MACROD2: variants seen among roughly 807,000 people sequenced by gnomAD.
The protein encoded by MACROD2 is mono-ADP ribosylhydrolase 2.
A neutral mutation model predicts 70.4 loss-of-function variants in MACROD2; 36 were observed. The observed-to-expected ratio is 0.51, with a 90% CI of 0.39 to 0.68. The LOEUF is 0.68. Among genes scored for constraint, MACROD2 ranks in the 30% least tolerant of loss-of-function variants. MACROD2 has a pLI of 0.00. For missense variants in MACROD2, 496 were observed against 538.4 expected, an observed-to-expected ratio of 0.92 and a Z score of 0.78; for synonymous variants, 172 against 178.8, an observed-to-expected ratio of 0.96 and a Z score of 0.30.
At position 14,225,625 on chromosome 20, in the gene MACROD2, G is replaced by A. The variant is rs553828555; in HGVS notation, c.271+139897G>A. Among the ~76,000 whole-genome samples the A allele has an allele frequency of 1.2e-4, 18 of 152,160 alleles. No homozygotes were observed. The South Asian group carries it at 3.5e-3, about 30-fold the overall frequency. ...AATACAACCTTATGCCAATCAAGTC[G>A]CAAGTGTAGTTTGCTAAGGTAGAAA... On this transcript the variant is annotated intron_variant, in intron 3 of 17. Coordinates refer to ENST00000684519, the MANE Select transcript of MACROD2 (RefSeq NM_001351661.2).
intron 5 of MACROD2, among the ~76,000 whole-genome samples, chr20:14,789,326 C>T (rs1231889903): frequency 6.6e-6 from 1 of 151,760 alleles, no homozygotes; most frequent in Non-Finnish European, 1.5e-5. Context: ...TGTGTACTCT[C>T]AGGGATAAAA....
intron 3 of MACROD2, among the ~76,000 whole-genome samples, chr20:14,092,958 T>G (rs1444041360): frequency 6.6e-6 from 1 of 152,244 alleles, no homozygotes; most frequent in African/African-American, 2.4e-5. Context: ...GCACTGGTGC[T>G]CAAGCTAGAG....
At chr20:15,490,227 T>TC (rs1276372493) in intron 7 of MACROD2, among the ~76,000 whole-genome samples, 1 of 99,018 alleles carries the variant, frequency 1.0e-5, no homozygotes, top group African/African-American at 3.6e-5. Flanking sequence ...CTTCCTCCCT[T>TC]CCTTCCTCCC....
At chr20:15,579,616 G>C (rs539427268) in intron 8 of MACROD2, among the ~76,000 whole-genome samples, 1 of 152,184 alleles carries the variant, frequency 6.6e-6, no homozygotes, top group Non-Finnish European at 1.5e-5. Context: ...ACTGTTGTTA[G>C]TCCTTTTGTC....
chr20:14,284,327 C>T (rs1402612414), intron 3 of MACROD2, among the ~76,000 whole-genome samples: 1 of 152,156 alleles, frequency 6.6e-6, no homozygotes, highest in African/African-American at 2.4e-5. Flanking sequence ...AAACTTAAAA[C>T]TCAGGGTTCA....
intron 8 of MACROD2, among the ~76,000 whole-genome samples, chr20:15,785,666 G>A (rs959492747): frequency 1.3e-5 from 2 of 152,124 alleles, no homozygotes; most frequent in Non-Finnish European, 2.9e-5. Context: ...AGCCCTAACT[G>A]AAAGGCTTTT....
chr20:15,351,640 C>T (rs1044886470), intron 6 of MACROD2, among the ~76,000 whole-genome samples: 5 of 152,122 alleles, frequency 3.3e-5, no homozygotes, highest in South Asian at 2.1e-4. Flanking sequence ...CAGTGAGCTC[C>T]GTGAGTCCTA....
At chr20:14,989,854 G>A (rs1369854018) in intron 5 of MACROD2, among the ~76,000 whole-genome samples, 5 of 151,962 alleles carry the variant, frequency 3.3e-5, no homozygotes, top group East Asian at 1.9e-4. Flanking sequence ...TATTTCAACC[G>A]TTTCTTTTTG....
chr20:15,545,305 C>A (rs1396362594), intron 8 of MACROD2, among the ~76,000 whole-genome samples: 1 of 152,194 alleles, frequency 6.6e-6, no homozygotes, highest in Non-Finnish European at 1.5e-5. Context: ...GTATTGGCTG[C>A]AGGCAAAATA....
intron 4 of MACROD2, among the ~76,000 whole-genome samples, chr20:14,532,209 A>G (rs570556727): frequency 4.7e-5 from 7 of 150,120 alleles, no homozygotes; most frequent in African/African-American, 1.7e-4. Context: ...ACAATCCTGT[A>G]TAACTAATCT....
In MACROD2 at chr20:13,995,863, C is replaced by CGGGGGGGGTTGGGGGGGGGGGG; in HGVS notation, c.46+59_46+60insGGGTTGGGGGGGGGGGGGGGGG. 4.8e-6 allele frequency: 2 copies of CGGGGGGGGTTGGGGGGGGGGGG among 412,862 alleles called. No individual in the cohort carries two copies. The highest frequency in any genetic ancestry group is 6.6e-5 in the Admixed American group (2 of 30,222). The allele number at this position is 412,862 out of a possible 1,614,324, so 25.6% of individuals were successfully genotyped here. On this transcript the variant is annotated intron_variant, in intron 1 of 17. Transcript: ENST00000684519. This position sits in a 1 kb window ranked among gnomAD's most constrained non-coding sequence, Gnocchi z 4.3. ...CGGGCGGTGGGGGTTAGGGTGGGGG[C>CGGGGGGGGTTGGGGGGGGGGGG]GGGGGTCAGGCTGTGTGTGCCGCGG...
chr20:14,890,941 T>C (rs923958368), intron 5 of MACROD2, among the ~76,000 whole-genome samples: 3 of 151,164 alleles, frequency 2.0e-5, no homozygotes, highest in Admixed American at 6.6e-5. Context: ...ATAGGGATCT[T>C]CTTTCTCTTT....
rs79687293 is a variant in MACROD2 at position 15,471,225 on chromosome 20, C to G, written c.572-28549C>G. ...CCATCACACATGCTCTCCTTCCACA[C>G]TTGAACTTCTGTTGCTTCTCAGCTG... On this transcript the variant is annotated intron_variant, in intron 7 of 17. Coordinates refer to ENST00000684519, the MANE Select transcript of MACROD2 (RefSeq NM_001351661.2). Among the ~76,000 whole-genome samples, 849 of 152,318 alleles carry G rather than the reference C, an allele frequency of 5.6e-3. 7 individuals are homozygous for G. Among genetic ancestry groups the G allele is most frequent in the African/African-American group, 0.019 (796 of 41,548 alleles).
intron 8 of MACROD2, among the ~76,000 whole-genome samples, chr20:15,714,001 A>G (rs576891748): frequency 0.017 from 2,589 of 150,368 alleles, 81 homozygotes; most frequent in African/African-American, 0.061. Context: ...ACACACACAC[A>G]CACACACACA....
intron 9 of MACROD2, among the ~76,000 whole-genome samples, chr20:15,879,009 A>C (rs2064715585): frequency 6.6e-6 from 1 of 152,140 alleles, no homozygotes; most frequent in South Asian, 2.1e-4. Context: ...TTATGAAATT[A>C]ACATCAAAGA....
intron 13 of MACROD2, among the ~76,000 whole-genome samples, chr20:15,971,819 A>G (rs1385200524): frequency 6.6e-6 from 1 of 152,008 alleles, no homozygotes; most frequent in Non-Finnish European, 1.5e-5. Context: ...CAAGCAGGGT[A>G]AAATCTCAGA....
At chr20:15,629,465 G>A (rs541674174) in intron 8 of MACROD2, among the ~76,000 whole-genome samples, 101 of 152,266 alleles carry the variant, frequency 6.6e-4, no homozygotes, top group Middle Eastern at 3.4e-3. Context: ...ATAGAAATAC[G>A]TGGGATATTT....
In MACROD2 at chr20:15,668,715, T is replaced by G. The variant is rs12329490; in HGVS notation, c.645+168868T>G. 4.4e-3 allele frequency among the ~76,000 whole-genome samples: 672 copies of G among 152,348 alleles called. 7 individuals carry two copies. Among genetic ancestry groups the G allele is most frequent in the African/African-American group, 0.014 (575 of 41,578 alleles). ...ATCTCGATTATGAAGATACATTTTC[T>G]CCCTCGTTTTCAATTAGTAAGTGAT... On this transcript the variant is annotated intron_variant, in intron 8 of 17. Transcript: ENST00000684519.
intron 10 of MACROD2, among the ~76,000 whole-genome samples, chr20:15,914,114 A>T (rs1448844961): frequency 6.6e-6 from 1 of 152,260 alleles, no homozygotes; most frequent in Non-Finnish European, 1.5e-5. Context: ...TGGTAGTTAC[A>T]GTTACAGGAA....
Sources: gnomAD v4.1 joint callset for allele counts (sites outside exome capture counted in the v4.1 genomes callset) on GRCh38, gnomAD v4.1.1 for gene constraint, Gnocchi (gnomAD v3.1) non-coding constraint, MANE v1.5 for transcripts, NCBI Gene and HGNC (gene_info 2026-07-23, HGNC 2026-07-21) for gene names.